Variants in SETBP1 observed in about 807,000 individuals in gnomAD.
SETBP1 encodes the protein SET-binding protein.
Under a neutral mutation model 101.0 loss-of-function variants are expected in SETBP1, and 9 were observed. The ratio of observed to expected loss-of-function variants is 0.09; its 90% CI spans 0.05 to 0.16. The LOEUF is 0.16. Ranked by LOEUF, SETBP1 falls within the 10% of genes least tolerant of loss-of-function variation. The pLI is 1.00. For missense variants in SETBP1, 1,858 were observed against 2,033.8 expected (o/e 0.91, Z 1.66); for synonymous variants, 818 against 788.5 (o/e 1.04, Z -0.63).
rs553472195 is a variant in SETBP1, at chr18:44,928,150, A to G, written c.541-21731A>G. On this transcript the variant is annotated intron_variant, in intron 3 of 5. Transcript: ENST00000649279. ...TGTGTCCAAGTGTTCTCATTGTTCA[A>G]TTCCCACCTATGGGGGAGAACATGC... Among the ~76,000 whole-genome samples, 3 of 152,212 alleles carry G rather than the reference A, an allele frequency of 2.0e-5. No homozygotes were observed. In the East Asian group the frequency reaches 5.8e-4, roughly 29 times the overall value.
rs2069814824 is a variant in SETBP1, at chr18:44,893,324, T to C, written c.540+24041T>C. Among the ~76,000 whole-genome samples the C allele has an allele frequency of 2.0e-5, 3 of 152,190 alleles. No individual in the cohort carries two copies. In the South Asian group the frequency reaches 6.2e-4, roughly 31 times the overall value. ...AATTTTCCTACAATAACTCACTAAA[T>C]GCTCATAATAACCCTTGGGGGTAGG... On this transcript the variant is annotated intron_variant, in intron 3 of 5. Coordinates refer to ENST00000649279, the MANE Select transcript of SETBP1 (RefSeq NM_015559.3).
At chr18:44,860,615 C>T (rs1037593286) in intron 2 of SETBP1, among the ~76,000 whole-genome samples, 4 of 152,064 alleles carry the variant, frequency 2.6e-5, no homozygotes, top group East Asian at 1.9e-4. Flanking sequence ...GGCATGTTGG[C>T]GCGTGCCTGT....
In SETBP1 at chr18:44,893,913, A is replaced by G. The variant is rs1300852798; in HGVS notation, c.540+24630A>G. On this transcript the variant is annotated intron_variant, in intron 3 of 5. Transcript: ENST00000649279. The stretch of plus-strand genomic sequence containing the variant: ...CAAAACAGTTTGAGAGTTGCTGCCT[A>G]TCTATTGTATATACCAAACTTTGTC... Among the ~76,000 whole-genome samples the G allele has an allele frequency of 3.9e-5, 6 of 152,176 alleles. No individual in the cohort carries two copies. In the South Asian group the frequency reaches 1.2e-3, roughly 32 times the overall value.
intron 2 of SETBP1, among the ~76,000 whole-genome samples, chr18:44,817,097 G>C (rs533531675): frequency 2.6e-5 from 4 of 152,326 alleles, no homozygotes; most frequent in African/African-American, 9.6e-5. Flanking sequence ...CAGCCCTGCT[G>C]CTCCTAAACC....
chr18:44,715,041 G>A (rs574080153), intron 2 of SETBP1, among the ~76,000 whole-genome samples: 48 of 152,296 alleles, frequency 3.2e-4, no homozygotes, highest in East Asian at 5.8e-4. Context: ...TGAGGTTGGT[G>A]GGGTGGGGGG....
chr18:44,899,979 C>A lies in SETBP1; in HGVS notation c.540+30696C>A, dbSNP rs1376962686. ...TACAGTTGCTGTTGCAATGACACAA[C>A]CCTGCCACTGTAGCTTGAAAGCAGT... On this transcript the variant is annotated intron_variant, in intron 3 of 5. Coordinates refer to ENST00000649279, the MANE Select transcript of SETBP1 (RefSeq NM_015559.3). Among the ~76,000 whole-genome samples the A allele has an allele frequency of 2.0e-5, 3 of 152,152 alleles. No homozygotes were observed. The East Asian group carries it at 5.8e-4, about 29-fold the overall frequency.
intron 2 of SETBP1, among the ~76,000 whole-genome samples, chr18:44,735,265 C>G (rs1486954502): frequency 6.6e-6 from 1 of 152,194 alleles, no homozygotes; most frequent in East Asian, 1.9e-4. Context: ...CATTAGGAGG[C>G]AGGAGACCTG....
At position 44,844,283 on chromosome 18, in the gene SETBP1, T is replaced by A. The variant is rs559079551; in HGVS notation, c.487-24947T>A. On this transcript the variant is annotated intron_variant, in intron 2 of 5. Coordinates refer to ENST00000649279, the MANE Select transcript of SETBP1 (RefSeq NM_015559.3). ...CCCCCATATAACTCCTCCTTCTCTCTCCTGGGTCTCTCCTCCCACCTTCTC... is the reference window on the plus strand; with the variant it reads ...CCCCCATATAACTCCTCCTTCTCTCACCTGGGTCTCTCCTCCCACCTTCTC... Among the ~76,000 whole-genome samples the A allele has an allele frequency of 2.0e-5, 3 of 152,054 alleles. No individual in the cohort carries two copies. The South Asian group carries it at 6.2e-4, about 32-fold the overall frequency.
intron 3 of SETBP1, among the ~76,000 whole-genome samples, chr18:44,941,119 G>A (rs1043666554): frequency 4.1e-5 from 4 of 97,976 alleles, no homozygotes; most frequent in Middle Eastern, 0.015. Flanking sequence ...GTCATACTTT[G>A]TTGCCAGGCT....
Position 44,950,861 on chromosome 18 carries a change from A to G in SETBP1, c.1521A>G (p.Pro507=), listed in dbSNP as rs771154666. The part of the protein sequence containing the change: ...PRKPPMVMTP[P]TCTDHSPSRK... ...AGCCACCCATGGTCATGACACCTCC[A>G]ACGTGCACAGATCACTCTCCATCCA... Residue 507 remains proline (P), a synonymous_variant, in exon 4 of 6, where the codon CCA becomes CCG. Coordinates refer to ENST00000649279, the MANE Select transcript of SETBP1 (RefSeq NM_015559.3). 1 of 1,614,168 alleles carries G rather than the reference A, an allele frequency of 6.2e-7. No individual in the cohort carries two copies. Among genetic ancestry groups the G allele is most frequent in the Non-Finnish European group, 8.5e-7 (1 of 1,180,024 alleles).
intron 3 of SETBP1, 55 bp downstream of exon 3, chr18:44,869,338 TG>T: frequency 4.5e-6 from 7 of 1,548,506 alleles, no homozygotes; most frequent in Non-Finnish European, 5.4e-6. Context: ...ATCCAGAGTT[TG>T]GTTGTCAACA....
At chr18:44,740,519 T>C (rs1451008528) in intron 2 of SETBP1, among the ~76,000 whole-genome samples, 2 of 152,226 alleles carry the variant, frequency 1.3e-5, no homozygotes, top group Non-Finnish European at 2.9e-5. Context: ...CTAGTGGCTA[T>C]TGAGTTCCCA....
At chr18:44,903,941 A>T (rs772897891) in intron 3 of SETBP1, among the ~76,000 whole-genome samples, 4 of 152,264 alleles carry the variant, frequency 2.6e-5, no homozygotes, top group Non-Finnish European at 4.4e-5. Flanking sequence ...ATTTTTCCTT[A>T]TATATAGCTT....
chr18:44,762,760 C>A (rs1483002389), intron 2 of SETBP1, among the ~76,000 whole-genome samples: 3 of 152,130 alleles, frequency 2.0e-5, no homozygotes, highest in Non-Finnish European at 4.4e-5. Flanking sequence ...TTAGCATTGG[C>A]AGAAAAAGGA....
At chr18:44,878,666 A>C (rs2069463807) in intron 3 of SETBP1, among the ~76,000 whole-genome samples, 1 of 152,170 alleles carries the variant, frequency 6.6e-6, no homozygotes. Flanking sequence ...TTCAGGATGG[A>C]AGAGGCCCAT....
intron 2 of SETBP1, among the ~76,000 whole-genome samples, chr18:44,851,542 G>A (rs1260516692): frequency 6.6e-6 from 1 of 152,122 alleles, no homozygotes; most frequent in Non-Finnish European, 1.5e-5. Flanking sequence ...GAGCCTACAC[G>A]GTCTCTGTAC....
At chr18:44,853,784 A>C (rs928800482) in intron 2 of SETBP1, among the ~76,000 whole-genome samples, 2 of 152,184 alleles carry the variant, frequency 1.3e-5, no homozygotes, top group Non-Finnish European at 2.9e-5. Context: ...TCTACATTAT[A>C]AACTGCAGGG....
At chr18:44,824,916 TTGC>T (rs1376642581) in intron 2 of SETBP1, among the ~76,000 whole-genome samples, 1 of 152,228 alleles carries the variant, frequency 6.6e-6, no homozygotes, top group Non-Finnish European at 1.5e-5. Flanking sequence ...AGTCTTGGTC[TTGC>T]TGCAGCCATG....
At chr18:44,926,691 C>A (rs577266815) in intron 3 of SETBP1, among the ~76,000 whole-genome samples, 1 of 152,262 alleles carries the variant, frequency 6.6e-6, no homozygotes, top group East Asian at 1.9e-4. Flanking sequence ...TAAGAAGCAA[C>A]CAAAATCATC....
Sources: allele counts gnomAD v4.1 joint callset (sites outside exome capture counted in the v4.1 genomes callset), GRCh38; gene constraint gnomAD v4.1.1; transcripts MANE v1.5; gene names NCBI Gene and HGNC (gene_info 2026-07-23, HGNC 2026-07-21).